SIRT5: variants seen among roughly 807,000 people sequenced by gnomAD.
SIRT5 encodes sirtuin 5.
Under a neutral mutation model 40.0 loss-of-function variants are expected in SIRT5, and 26 were observed. That is an observed-to-expected ratio of 0.65 (90% CI 0.48 to 0.90). The LOEUF (loss-of-function observed/expected upper bound fraction) is 0.90. SIRT5 is among the 40% of genes least tolerant of loss of function. The pLI, the probability that SIRT5 is intolerant of heterozygous loss-of-function variation, is 0.00. For synonymous variants in SIRT5, 146 were observed against 149.1 expected, an observed-to-expected ratio of 0.98 and a Z score of 0.15; for missense variants, 401 against 402.4, an observed-to-expected ratio of 1.00 and a Z score of 0.03.
intron 1 of SIRT5, among the ~76,000 whole-genome samples, 200 bp from the exon 2 acceptor site, chr6:13,579,251 T>C (rs1264454353): frequency 6.6e-6 from 1 of 152,272 alleles, no homozygotes; most frequent in Non-Finnish European, 1.5e-5. Flanking sequence ...TTTAGACTTT[T>C]AGTCTTAAAA....
chr6:13,578,518 G>T (rs1235837920), intron 1 of SIRT5, among the ~76,000 whole-genome samples: 1 of 151,398 alleles, frequency 6.6e-6, no homozygotes, highest in Non-Finnish European at 1.5e-5. Flanking sequence ...TACTCGGGAG[G>T]CTGAGGCAGA....
chr6:13,611,193 T>TTA, intron 9 of SIRT5, among the ~76,000 whole-genome samples: 1 of 126,716 alleles, frequency 7.9e-6, no homozygotes, highest in East Asian at 2.2e-4. Context: ...CTGTAATGTT[T>TTA]TATGTGTGTG....
In SIRT5 at chr6:13,595,563, G is replaced by C; in HGVS notation, c.562G>C (p.Gly188Arg). 1.2e-6 allele frequency: 2 copies of C among 1,608,088 alleles called. No homozygotes were observed. The highest frequency in any genetic ancestry group is 8.5e-7 in the Non-Finnish European group (1 of 1,174,624). ...AATTTGTCCAGCTTTATCAGGAAAAGGGTAATTATACCACACTACAGAATA... is the reference window on the plus strand; with the variant it reads ...AATTTGTCCAGCTTTATCAGGAAAACGGTAATTATACCACACTACAGAATA... ...SPICPALSGK[G>R]APEPGTQDAS... Residue 188 changes from glycine (G) to arginine (R), a missense_variant and splice_region_variant, in exon 6 of 10, where the codon GGT (glycine) becomes CGT (arginine). Transcript: ENST00000606117.
intron 9 of SIRT5, among the ~76,000 whole-genome samples, chr6:13,611,193 TTA>T (rs1470757781): frequency 2.2e-4 from 28 of 126,714 alleles, no homozygotes; most frequent in African/African-American, 7.1e-4. Flanking sequence ...CTGTAATGTT[TTA>T]TGTGTGTGTG....
chr6:13,600,243 C>T (rs780519070), intron 8 of SIRT5, among the ~76,000 whole-genome samples: 1 of 152,140 alleles, frequency 6.6e-6, no homozygotes, highest in Non-Finnish European at 1.5e-5. Context: ...TTCATTCAGC[C>T]AGTATTTAAA....
chr6:13,576,825 T>C (rs989274580), intron 1 of SIRT5, among the ~76,000 whole-genome samples: 7 of 152,258 alleles, frequency 4.6e-5, no homozygotes, highest in African/African-American at 1.4e-4. Context: ...TTGATTTTTG[T>C]ATATGGTGTG....
At chr6:13,598,292 T>A (rs1377046184) in intron 7 of SIRT5, among the ~76,000 whole-genome samples, 3 of 152,100 alleles carry the variant, frequency 2.0e-5, no homozygotes, top group South Asian at 2.1e-4. Context: ...AGAAGAGAGA[T>A]TTTTAGTAAT....
intron 2 of SIRT5, among the ~76,000 whole-genome samples, chr6:13,583,020 A>T (rs1007312469): frequency 1.3e-5 from 2 of 152,186 alleles, no homozygotes; most frequent in South Asian, 4.1e-4. Flanking sequence ...AGCCTGGCCA[A>T]CATGGTGAAA....
rs762943307 is a variant in SIRT5, at chr6:13,595,543, G to T, written c.542G>T (p.Cys181Phe). The T allele has an allele frequency of 4.3e-6, 7 of 1,613,722 alleles. No individual in the cohort carries two copies. The South Asian group carries it at 7.7e-5, about 18-fold the overall frequency. ...GCTGAGAATTACAAGAGTCCAATTT[G>T]TCCAGCTTTATCAGGAAAAGGGTAA... ...VVAENYKSPI[C>F]PALSGKGAPE... Residue 181 changes from cysteine (C) to phenylalanine (F), a missense_variant, in exon 6 of 10, where the codon TGT becomes TTT. Physicochemically the swap from Cys to Phe is radical, Grantham distance 205. Coordinates refer to ENST00000606117, the MANE Select transcript of SIRT5 (RefSeq NM_012241.5).
At chr6:13,597,574 C>T (rs1013516258) in intron 7 of SIRT5, among the ~76,000 whole-genome samples, 3 of 150,330 alleles carry the variant, frequency 2.0e-5, no homozygotes, top group Non-Finnish European at 4.4e-5. Context: ...GAGATGGAAT[C>T]TCACTCTGTC....
chr6:13,595,878 G>C (rs1761512125), intron 6 of SIRT5, among the ~76,000 whole-genome samples: 1 of 152,156 alleles, frequency 6.6e-6, no homozygotes, highest in Non-Finnish European at 1.5e-5. Flanking sequence ...TGTAGTCCCA[G>C]CTACTAGGGA....
At chr6:13,581,012 C>T (rs1298587476) in intron 2 of SIRT5, among the ~76,000 whole-genome samples, 3 of 152,100 alleles carry the variant, frequency 2.0e-5, no homozygotes, top group Non-Finnish European at 4.4e-5. Flanking sequence ...TTTAGGCTTA[C>T]AGAAATGTTG....
In SIRT5 at chr6:13,596,910, T is replaced by C. The variant is rs919928524; in HGVS notation, c.564-53T>C. ...TACAAACTGAGTTATGTTGTTTCTT[T>C]ATTTTTTATTATGCCAATAACAATC... On this transcript the variant is annotated intron_variant, in intron 6 of 9. Coordinates refer to ENST00000606117, the MANE Select transcript of SIRT5 (RefSeq NM_012241.5). 7.0e-6 allele frequency: 10 copies of C among 1,427,618 alleles called. No homozygotes were observed. The Admixed American group carries it at 1.9e-4, about 27-fold the overall frequency. The allele number at this position is 1,427,618 out of a possible 1,614,324, so 88.4% of individuals were successfully genotyped here.
At chr6:13,606,571 C>G (rs1301868576) in intron 9 of SIRT5, among the ~76,000 whole-genome samples, 2 of 152,098 alleles carry the variant, frequency 1.3e-5, no homozygotes, top group African/African-American at 2.4e-5. Flanking sequence ...CTTAGTTGGT[C>G]TGTTCATTCA....
chr6:13,585,707 A>AT (rs1257320943), intron 3 of SIRT5, among the ~76,000 whole-genome samples: 3 of 152,168 alleles, frequency 2.0e-5, no homozygotes, highest in Non-Finnish European at 4.4e-5. Flanking sequence ...AAACATACGT[A>AT]TGCATGTGTC....
intron 8 of SIRT5, 47 bp downstream of exon 8, chr6:13,599,202 AT>A: frequency 6.4e-7 from 1 of 1,563,838 alleles, no homozygotes; most frequent in Non-Finnish European, 8.7e-7. Flanking sequence ...GGAGTTTGTT[AT>A]TTTTTCCTTC....
intron 2 of SIRT5, among the ~76,000 whole-genome samples, chr6:13,582,125 G>T (rs1303126019): frequency 6.6e-6 from 1 of 152,150 alleles, no homozygotes; most frequent in Non-Finnish European, 1.5e-5. Context: ...CAACTTGCTC[G>T]AGTACAAGTG....
At chr6:13,579,168 A>T (rs960028211) in intron 1 of SIRT5, among the ~76,000 whole-genome samples, 2 of 152,234 alleles carry the variant, frequency 1.3e-5, no homozygotes, top group Admixed American at 6.5e-5. Flanking sequence ...ACATGTTGGC[A>T]CAAAGGATGT....
rs1764069980 is a variant in SIRT5, at chr6:13,612,951, G to C, written c.*1086G>C. 6.6e-6 allele frequency: 1 copy of C among 152,092 alleles called. No homozygotes were observed. Among genetic ancestry groups the C allele is most frequent in the South Asian group, 2.1e-4 (1 of 4,814 alleles). 9.4% of individuals were successfully genotyped at this position (152,092 alleles called of 1,614,324 possible). ...ACTCTGCTGGGAGTTTTTTCCATGGGACTTTAAAAAATGATGCCCTTAGGT... is the reference window on the plus strand; with the variant it reads ...ACTCTGCTGGGAGTTTTTTCCATGGCACTTTAAAAAATGATGCCCTTAGGT... On this transcript the variant is annotated 3_prime_UTR_variant, in exon 10 of 10. Coordinates refer to ENST00000606117, the MANE Select transcript of SIRT5 (RefSeq NM_012241.5).
Sources: allele counts gnomAD v4.1 joint callset (sites outside exome capture counted in the v4.1 genomes callset), GRCh38; gene constraint gnomAD v4.1.1; transcripts MANE v1.5; gene names NCBI Gene and HGNC (gene_info 2026-07-23, HGNC 2026-07-21).